The following FABP12 variants were observed in gnomAD, a reference collection of about 807,000 sequenced individuals.
The protein encoded by FABP12 is fatty acid-binding protein 12.
Under a neutral mutation model 13.7 loss-of-function variants are expected in FABP12, and 19 were observed. The observed-to-expected ratio is 1.39, with a 90% confidence interval of 0.97 to 2.04. The LOEUF (loss-of-function observed/expected upper bound fraction) is 2.04. FABP12 is among the 30% of genes most tolerant of loss of function. The pLI, the probability that FABP12 is intolerant of heterozygous loss-of-function variation, is 0.00. For synonymous variants in FABP12, 61 were observed against 57.0 expected (o/e 1.07, Z -0.32); for missense variants, 182 against 164.2 (o/e 1.11, Z -0.59).
intron 1 of FABP12, among the ~76,000 whole-genome samples, chr8:81,584,031 T>C (rs1366398937): frequency 6.6e-6 from 1 of 152,192 alleles, no homozygotes; most frequent in Non-Finnish European, 1.5e-5. Flanking sequence ...CAAAGATTGT[T>C]CAACTACACA....
At chr8:81,552,515 T>C (rs751440473) in intron 1 of FABP12, among the ~76,000 whole-genome samples, 31 of 151,940 alleles carry the variant, frequency 2.0e-4, no homozygotes, top group Admixed American at 2.0e-4. Context: ...GGCAAGAGAG[T>C]TGGAGGCAGG....
At chr8:81,569,311 A>T (rs1156898861) in intron 1 of FABP12, among the ~76,000 whole-genome samples, 1 of 152,250 alleles carries the variant, frequency 6.6e-6, no homozygotes, top group African/African-American at 2.4e-5. Context: ...GATGTTTCTT[A>T]GAAACCAAGA....
At chr8:81,576,689 A>T (rs532879193) in intron 1 of FABP12, among the ~76,000 whole-genome samples, 1 of 152,346 alleles carries the variant, frequency 6.6e-6, no homozygotes, top group Admixed American at 6.5e-5. Context: ...TGCTGTTAGT[A>T]TAGCCTAGGG....
rs535688146 is a variant in FABP12, at chr8:81,584,693, T to C, written c.-185+5360A>G. On this transcript the variant is annotated intron_variant, in intron 1 of 5. Coordinates refer to the FABP12 transcript ENST00000692030. ...GGAATTGCTGGATCATATGGTGATT[T>C]TATTTTTAGTGTTTCTGAGGAACCT... 9.3e-5 allele frequency among the ~76,000 whole-genome samples: 14 copies of C among 150,382 alleles called. No individual in the cohort carries two copies. The South Asian group carries it at 2.7e-3, about 29-fold the overall frequency.
At chr8:81,562,414 T>C (rs930163310) in intron 1 of FABP12, among the ~76,000 whole-genome samples, 3 of 152,122 alleles carry the variant, frequency 2.0e-5, no homozygotes, top group African/African-American at 4.8e-5. Flanking sequence ...AGGGACTTCG[T>C]CTTGTAGCTT....
At chr8:81,564,577 C>A (rs1003706264) in intron 1 of FABP12, among the ~76,000 whole-genome samples, 2 of 152,008 alleles carry the variant, frequency 1.3e-5, no homozygotes, top group Admixed American at 6.5e-5. Context: ...TCAGTTTTCT[C>A]TCTGTCAGTT....
At chr8:81,556,395 A>G (rs1809616228) in intron 1 of FABP12, among the ~76,000 whole-genome samples, 1 of 152,196 alleles carries the variant, frequency 6.6e-6, no homozygotes, top group Admixed American at 6.5e-5. Context: ...TTGTCTGCCT[A>G]CAGGGACAGA....
At chr8:81,526,983 C>T (rs1241728678) in intron 4 of FABP12, 37 bp downstream of exon 4, 1 of 1,189,432 alleles carries the variant, frequency 8.4e-7, no homozygotes, top group Middle Eastern at 1.9e-4. Flanking sequence ...TTAGTCGTTG[C>T]AGAAGGTGGG....
At chr8:81,546,517 G>A (rs1274865581) in intron 1 of FABP12, among the ~76,000 whole-genome samples, 1 of 149,112 alleles carries the variant, frequency 6.7e-6, no homozygotes. Context: ...AAAAAAAGTA[G>A]CTGGGTGTGG....
intron 1 of FABP12, among the ~76,000 whole-genome samples, chr8:81,574,942 A>G (rs1245629799): frequency 1.3e-5 from 2 of 149,214 alleles, no homozygotes; most frequent in African/African-American, 2.5e-5. Context: ...TTTTGTTTCA[A>G]TTTCATTTAG....
At chr8:81,572,969 A>G (rs1809964306) in intron 1 of FABP12, among the ~76,000 whole-genome samples, 1 of 151,460 alleles carries the variant, frequency 6.6e-6, no homozygotes, top group Admixed American at 6.6e-5. Flanking sequence ...CCAACTATTT[A>G]TCTTTTTTAT....
intron 1 of FABP12, among the ~76,000 whole-genome samples, chr8:81,583,869 G>T (rs1810204835): frequency 6.6e-6 from 1 of 152,054 alleles, no homozygotes; most frequent in Non-Finnish European, 1.5e-5. Flanking sequence ...GACACCAAAA[G>T]CAGACAGGAC....
intron 1 of FABP12, among the ~76,000 whole-genome samples, chr8:81,579,916 T>C (rs1015585650): frequency 2.6e-5 from 4 of 152,214 alleles, no homozygotes; most frequent in African/African-American, 7.2e-5. Context: ...AAAGTAACAG[T>C]GGGTTCTTAT....
chr8:81,563,011 C>G (rs1016050687), intron 1 of FABP12, among the ~76,000 whole-genome samples: 1 of 152,242 alleles, frequency 6.6e-6, no homozygotes, highest in Non-Finnish European at 1.5e-5. Context: ...AGACCCAGCA[C>G]AGACCCAGTG....
chr8:81,546,266 G>A (rs1809432924), intron 1 of FABP12, among the ~76,000 whole-genome samples: 1 of 152,186 alleles, frequency 6.6e-6, no homozygotes, highest in Non-Finnish European at 1.5e-5. Context: ...TATGACAAGT[G>A]ATTTTTATTT....
At chr8:81,555,438 T>C (rs1289521560) in intron 1 of FABP12, among the ~76,000 whole-genome samples, 2 of 152,224 alleles carry the variant, frequency 1.3e-5, no homozygotes, top group African/African-American at 4.8e-5. Flanking sequence ...GACAAATGGT[T>C]CCAATTTTTC....
chr8:81,527,813 G>T (rs975386785), intron 3 of FABP12, among the ~76,000 whole-genome samples: 2 of 152,036 alleles, frequency 1.3e-5, no homozygotes, highest in Non-Finnish European at 2.9e-5. Context: ...TAATAAATTA[G>T]CCAGGTGTTG....
chr8:81,556,165 T>C (rs1809611850), intron 1 of FABP12, among the ~76,000 whole-genome samples: 1 of 152,200 alleles, frequency 6.6e-6, no homozygotes, highest in African/African-American at 2.4e-5. Context: ...GTTTCATTCC[T>C]GGTTCCACAA....
intron 3 of FABP12, among the ~76,000 whole-genome samples, chr8:81,527,762 C>T (rs951466662): frequency 1.3e-5 from 2 of 152,028 alleles, no homozygotes; most frequent in Non-Finnish European, 2.9e-5. Flanking sequence ...TGTGAAACTC[C>T]AGCCTGGACA....
Sources: allele counts gnomAD v4.1 joint callset (sites outside exome capture counted in the v4.1 genomes callset), GRCh38; gene constraint gnomAD v4.1.1; transcripts MANE v1.5; gene names NCBI Gene and HGNC (gene_info 2026-07-23, HGNC 2026-07-21).